The following HSP90AA1 variants were observed in gnomAD, a reference collection of about 807,000 sequenced individuals.
The protein encoded by HSP90AA1 is heat shock protein HSP 90-alpha.
Under a neutral mutation model 73.3 loss-of-function variants are expected in HSP90AA1, and 18 were observed. The observed-to-expected ratio is 0.25, with a 90% confidence interval of 0.17 to 0.36. The LOEUF (loss-of-function observed/expected upper bound fraction) is 0.36, where lower values mean the gene tolerates loss of function less well. Among genes scored for constraint, HSP90AA1 ranks in the 10% least tolerant of loss-of-function variants. HSP90AA1 has a pLI of 1.00. For synonymous variants in HSP90AA1, 477 were observed against 296.9 expected, an observed-to-expected ratio of 1.61 and a Z score of -6.24; for missense variants, 704 against 874.2, an observed-to-expected ratio of 0.81 and a Z score of 2.45.
intron 1 of HSP90AA1, among the ~76,000 whole-genome samples, chr14:102,120,994 AACATACACACACACACACACACAC>A (rs1001343645): frequency 6.8e-6 from 1 of 146,006 alleles, no homozygotes; most frequent in Non-Finnish European, 1.5e-5. Flanking sequence ...ACTAATCTGC[AACATACACACACACACACACACAC>A]ACATACACAC....
At chr14:102,097,369 G>A (rs912198013) in intron 2 of HSP90AA1, among the ~76,000 whole-genome samples, 2 of 150,782 alleles carry the variant, frequency 1.3e-5, no homozygotes, top group Non-Finnish European at 2.9e-5. Context: ...TCTTAAGGTA[G>A]AGAGAGCCAG....
chr14:102,087,500 G>C (rs1425660613), upstream of HSP90AA1, among the ~76,000 whole-genome samples: 1 of 152,024 alleles, frequency 6.6e-6, no homozygotes, highest in East Asian at 1.9e-4. Flanking sequence ...CCTGGAGGGA[G>C]GGTCGTGCGT....
chr14:102,121,412 C>T (rs567453841), intron 1 of HSP90AA1, among the ~76,000 whole-genome samples: 4 of 152,144 alleles, frequency 2.6e-5, no homozygotes, highest in East Asian at 3.9e-4. Flanking sequence ...TACATTTATG[C>T]GGGTAAATTC....
At chr14:102,108,129 G>A (rs996375236) in intron 1 of HSP90AA1, among the ~76,000 whole-genome samples, 3 of 151,562 alleles carry the variant, frequency 2.0e-5, no homozygotes, top group Non-Finnish European at 4.4e-5. Context: ...TAAGTGTGGT[G>A]GCATGTACCT....
At chr14:102,103,354 C>A (rs1308975996) in intron 1 of HSP90AA1, among the ~76,000 whole-genome samples, 3 of 151,512 alleles carry the variant, frequency 2.0e-5, no homozygotes, top group Non-Finnish European at 4.4e-5. Context: ...GTAGCTGGGA[C>A]TACAGCCGCA....
chr14:102,136,483 C>T (rs1352366434), intron 1 of HSP90AA1, among the ~76,000 whole-genome samples: 4 of 135,632 alleles, frequency 2.9e-5, no homozygotes, highest in African/African-American at 7.9e-5. Flanking sequence ...GCAGAAGACT[C>T]GCTTGAACCC....
At chr14:102,138,500 CT>C (rs879485917) in intron 1 of HSP90AA1, among the ~76,000 whole-genome samples, 360 of 4,966 alleles carry the variant, frequency 0.072, 1 homozygote, top group East Asian at 0.2. Flanking sequence ...TACTTCAGTG[CT>C]TTTTTTTCTT....
chr14:102,086,414 G>GAC (rs2049235164), intron 1 of HSP90AA1, 36 bp from the exon 2 acceptor site: 1 of 1,612,906 alleles, frequency 6.2e-7, no homozygotes, highest in Admixed American at 1.7e-5. Flanking sequence ...AACCTTGCAG[G>GAC]ACGTCTACAG....
At chr14:102,102,167 C>A in intron 1 of HSP90AA1, 1 of 1,171,490 alleles carries the variant, frequency 8.5e-7, no homozygotes, top group East Asian at 2.3e-5. Context: ...TTGGACAGCC[C>A]CAAGCAGGCA....
intron 1 of HSP90AA1, among the ~76,000 whole-genome samples, chr14:102,103,839 C>CA (rs1403127150): frequency 6.7e-6 from 1 of 150,302 alleles, no homozygotes; most frequent in African/African-American, 2.4e-5. Context: ...CCCATCTCTA[C>CA]AAAAAAATAT....
At chr14:102,117,183 C>T (rs1453255785) in intron 1 of HSP90AA1, among the ~76,000 whole-genome samples, 2 of 152,126 alleles carry the variant, frequency 1.3e-5, no homozygotes, top group Admixed American at 6.5e-5. Context: ...TGCAGGCACC[C>T]CTCAGCAGGA....
chr14:102,139,668 C>T (rs962306062), exon 1 of HSP90AA1: 3 of 652,968 alleles, frequency 4.6e-6, no homozygotes, highest in Non-Finnish European at 7.7e-6. Flanking sequence ...AGCAGCCATG[C>T]CGCCCGGAGG....
intron 2 of HSP90AA1, among the ~76,000 whole-genome samples, chr14:102,094,949 A>G (rs915326528): frequency 3.3e-5 from 5 of 152,068 alleles, no homozygotes; most frequent in Admixed American, 2.0e-4. Flanking sequence ...CAGGGGAGCG[A>G]GTTAACAGGG....
Position 102,081,190 on chromosome 14 carries a change from C to T in HSP90AA1, c.*522G>A, listed in dbSNP as rs2049089358. 8.5e-6 allele frequency: 2 copies of T among 235,774 alleles called. No homozygotes were observed. Among genetic ancestry groups the T allele is most frequent in the East Asian group, 6.2e-5 (1 of 16,054 alleles). 14.6% of individuals were successfully genotyped at this position (235,774 alleles called of 1,614,324 possible). A position where few individuals can be genotyped will look rare whatever the true frequency, so the allele number is the denominator to read the frequency against. On this transcript the variant is annotated 3_prime_UTR_variant, in exon 11 of 11. Coordinates refer to ENST00000216281, the MANE Select transcript of HSP90AA1 (RefSeq NM_005348.4). ...AGGCTTTTAACTTTGCTCCTCCAAA[C>T]AATACTTTTCTTTGGAAAACAAGCC...
chr14:102,103,870 G>A (rs979078096), intron 1 of HSP90AA1, among the ~76,000 whole-genome samples: 2 of 151,522 alleles, frequency 1.3e-5, no homozygotes, highest in Non-Finnish European at 1.5e-5. Flanking sequence ...CAGGTGTGGC[G>A]GTGTGCACCT....
chr14:102,084,158 C>A, intron 6 of HSP90AA1, 175 bp from the exon 7 acceptor site: 1 of 701,612 alleles, frequency 1.4e-6, no homozygotes, highest in Non-Finnish European at 2.5e-6. Context: ...CAACCTCTGC[C>A]TCCCGGGGGG....
intron 2 of HSP90AA1, among the ~76,000 whole-genome samples, chr14:102,095,259 C>A (rs921383149): frequency 6.6e-6 from 1 of 152,148 alleles, no homozygotes; most frequent in Non-Finnish European, 1.5e-5. Context: ...CCTGGGATCT[C>A]AGAGGAAGAG....
At chr14:102,108,602 C>T (rs1222852191) in intron 1 of HSP90AA1, among the ~76,000 whole-genome samples, 3 of 134,822 alleles carry the variant, frequency 2.2e-5, no homozygotes, top group Admixed American at 8.8e-5. Context: ...ATGGCGTGAT[C>T]TTGGCTTACT....
Position 102,084,828 on chromosome 14 carries a change from C to A in HSP90AA1, c.834G>T (p.Lys278Asn). The change falls in exon 5 of 11, where the codon AAG (lysine) becomes AAT (asparagine). Residue 278 changes from lysine (K) to asparagine (N), a missense_variant. Transcript: ENST00000216281. ...EKKDGDKKKKKKIKEKYIDQE... is the reference protein window; with the variant it reads ...EKKDGDKKKKNKIKEKYIDQE... ...GATCGATGTACTTTTCCTTAATCTT[C>A]TTCTTCTTCTTCTTGTCACCATCCT... 1 of 1,600,862 alleles carries A rather than the reference C, an allele frequency of 6.2e-7. No homozygotes were observed. The highest frequency in any genetic ancestry group is 8.6e-7 in the Non-Finnish European group (1 of 1,168,114).
Sources: allele counts gnomAD v4.1 joint callset (sites outside exome capture counted in the v4.1 genomes callset), GRCh38; gene constraint gnomAD v4.1.1; transcripts MANE v1.5; gene names NCBI Gene and HGNC (gene_info 2026-07-23, HGNC 2026-07-21).